Variants in ATOSA observed in about 807,000 individuals in gnomAD.
ATOSA encodes atos homolog A, also known as atos homolog protein A.
the ATOSA span, among the ~76,000 whole-genome samples, chr15:52,709,544 T>C: frequency 2.5e-4 from 38 of 152,186 alleles, no homozygotes; most frequent in African/African-American, 8.7e-4. Flanking sequence ...CTTTCACTTG[T>C]ATGTTCCCAA....
the ATOSA span, among the ~76,000 whole-genome samples, chr15:52,590,259 C>G: frequency 6.6e-6 from 1 of 152,070 alleles, no homozygotes; most frequent in African/African-American, 2.4e-5. Context: ...CATACGTGGC[C>G]CTAATATTAT....
the ATOSA span, among the ~76,000 whole-genome samples, chr15:52,654,676 T>C: frequency 6.6e-6 from 1 of 152,080 alleles, no homozygotes; most frequent in African/African-American, 2.4e-5. Flanking sequence ...GGATAGTAGA[T>C]CTTTTACAAA....
the ATOSA span, among the ~76,000 whole-genome samples, chr15:52,692,462 C>T: frequency 2.6e-5 from 4 of 152,106 alleles, no homozygotes; most frequent in African/African-American, 9.7e-5. Flanking sequence ...GCTCAGGCAA[C>T]CCTCACACCT....
chr15:52,610,873 C>G, the ATOSA span, among the ~76,000 whole-genome samples: 1 of 152,170 alleles, frequency 6.6e-6, no homozygotes, highest in Non-Finnish European at 1.5e-5. Flanking sequence ...TTTATAATAG[C>G]AGCATTAAGT....
chr15:52,693,512 T>A, the ATOSA span, among the ~76,000 whole-genome samples: 1 of 152,016 alleles, frequency 6.6e-6, no homozygotes, highest in Non-Finnish European at 1.5e-5. Context: ...TAAAAATTAA[T>A]AGCTTCTAGT....
At chr15:52,611,140 T>C in the ATOSA span, 1 of 1,613,442 alleles carries the variant, frequency 6.2e-7, no homozygotes. Context: ...CTGTAGAGAA[T>C]ATTTCGTGGA....
the ATOSA span, among the ~76,000 whole-genome samples, chr15:52,607,675 A>G: frequency 4.6e-5 from 7 of 152,208 alleles, no homozygotes; most frequent in Non-Finnish European, 1.0e-4. Flanking sequence ...TTGGTGCAAA[A>G]GTAACTGAGG....
chr15:52,662,408 G>C, the ATOSA span, among the ~76,000 whole-genome samples: 1 of 152,108 alleles, frequency 6.6e-6, no homozygotes, highest in Non-Finnish European at 1.5e-5. Context: ...TCTTCCATTT[G>C]TTTTAACACA....
At chr15:52,676,302 C>T in the ATOSA span, among the ~76,000 whole-genome samples, 2 of 152,084 alleles carry the variant, frequency 1.3e-5, no homozygotes, top group African/African-American at 4.8e-5. Context: ...TTGTCCATAA[C>T]TCTGCCTTTC....
chr15:52,598,085 T>C, the ATOSA span, among the ~76,000 whole-genome samples: 3 of 151,996 alleles, frequency 2.0e-5, no homozygotes, highest in East Asian at 1.9e-4. Flanking sequence ...GGTTGCACCA[T>C]TGCACTCAGA....
the ATOSA span, among the ~76,000 whole-genome samples, chr15:52,680,158 T>C: frequency 6.6e-5 from 10 of 152,126 alleles, no homozygotes; most frequent in African/African-American, 2.4e-4. Flanking sequence ...TGTTGTGCTA[T>C]AGCAATGTGA....
the ATOSA span, among the ~76,000 whole-genome samples, chr15:52,646,792 G>A: frequency 6.6e-6 from 1 of 152,132 alleles, no homozygotes; most frequent in Non-Finnish European, 1.5e-5. Context: ...GGTAATTTAT[G>A]ATCCTCTTTG....
At chr15:52,692,049 C>T in the ATOSA span, among the ~76,000 whole-genome samples, 3 of 151,764 alleles carry the variant, frequency 2.0e-5, no homozygotes, top group Non-Finnish European at 1.5e-5. Context: ...CAACATAATC[C>T]TAATAAACCA....
chr15:52,649,208 T>G, the ATOSA span, among the ~76,000 whole-genome samples: 1 of 152,186 alleles, frequency 6.6e-6, no homozygotes, highest in Admixed American at 6.5e-5. Context: ...TTGGCCCTGC[T>G]GACTATGAAA....
the ATOSA span, among the ~76,000 whole-genome samples, chr15:52,616,203 G>C: frequency 6.6e-6 from 1 of 152,194 alleles, no homozygotes. Flanking sequence ...GTTGAGTAGG[G>C]GTATGTGGTG....
At chr15:52,662,806 T>C in the ATOSA span, among the ~76,000 whole-genome samples, 1 of 151,332 alleles carries the variant, frequency 6.6e-6, no homozygotes, top group East Asian at 1.9e-4. Flanking sequence ...ATTATTAGTA[T>C]TGTGTACCAT....
the ATOSA span, among the ~76,000 whole-genome samples, chr15:52,645,107 C>T: frequency 1.2e-4 from 19 of 152,260 alleles, no homozygotes; most frequent in East Asian, 2.9e-3. Context: ...AGGGGGCAGT[C>T]GTATGGAGAG....
At chr15:52,636,634 T>A in the ATOSA span, among the ~76,000 whole-genome samples, 1 of 152,192 alleles carries the variant, frequency 6.6e-6, no homozygotes, top group Non-Finnish European at 1.5e-5. Context: ...ACTCCAGAAC[T>A]ATGATAAAAT....
the ATOSA span, among the ~76,000 whole-genome samples, chr15:52,694,571 C>T: frequency 1.3e-5 from 2 of 151,958 alleles, no homozygotes; most frequent in African/African-American, 4.8e-5. Context: ...TGGTGGCTCA[C>T]AACTATAATC....
Sources: gnomAD v4.1 joint callset for allele counts (sites outside exome capture counted in the v4.1 genomes callset) on GRCh38, gnomAD v4.1.1 for gene constraint, MANE v1.5 for transcripts, NCBI Gene and HGNC (gene_info 2026-07-23, HGNC 2026-07-21) for gene names.